Variants in ZNF626 observed in about 807,000 individuals in gnomAD.
ZNF626 encodes the protein zinc finger protein 626.
ZNF626 carries 4 observed loss-of-function variants against 11.7 expected under a neutral mutation model. That is an observed-to-expected ratio of 0.34 (90% CI 0.17 to 0.78). ZNF626 has a LOEUF of 0.78. Among genes scored for constraint, ZNF626 ranks in the 30% least tolerant of loss-of-function variants. The pLI is 0.57. For missense variants in ZNF626, 588 were observed against 587.1 expected (o/e 1.00, Z -0.01); for synonymous variants, 179 against 198.6 (o/e 0.90, Z 0.83).
chr19:20,650,721 T>C (rs1391671074), intron 1 of ZNF626, among the ~76,000 whole-genome samples: 3 of 152,212 alleles, frequency 2.0e-5, no homozygotes, highest in African/African-American at 7.2e-5. Flanking sequence ...TTTTGTTTTT[T>C]CTAAACTTAC....
chr19:20,622,812 C>A lies in ZNF626; in HGVS notation c.*1478G>T, dbSNP rs1442125772. 3.3e-5 allele frequency: 5 copies of A among 151,964 alleles called. No homozygotes were observed. The highest frequency in any genetic ancestry group is 5.9e-5 in the Non-Finnish European group (4 of 67,982). The allele number at this position is 151,964 out of a possible 1,614,324, so 9.4% of individuals were successfully genotyped here. On this transcript the variant is annotated 3_prime_UTR_variant, in exon 4 of 4. Coordinates refer to ENST00000601440, the MANE Select transcript of ZNF626 (RefSeq NM_001076675.3). ...TTCTGTAAATTCTGATATTTACATACAATTAATTTTGAATTAAATATTTTT... is the reference window on the plus strand; with the variant it reads ...TTCTGTAAATTCTGATATTTACATAAAATTAATTTTGAATTAAATATTTTT...
At chr19:20,642,493 G>A (rs1555771573) in intron 3 of ZNF626, among the ~76,000 whole-genome samples, 2 of 152,134 alleles carry the variant, frequency 1.3e-5, no homozygotes, top group Non-Finnish European at 2.9e-5. Flanking sequence ...CTATTCCGGA[G>A]GCTGAGGCAG....
intron 1 of ZNF626, among the ~76,000 whole-genome samples, chr19:20,649,333 A>G (rs1348507428): frequency 6.6e-6 from 1 of 152,184 alleles, no homozygotes; most frequent in African/African-American, 2.4e-5. Flanking sequence ...CTCCATGAAG[A>G]TAAAAATATA....
At chr19:20,636,254 T>A (rs907340510) in intron 3 of ZNF626, among the ~76,000 whole-genome samples, 13 of 152,178 alleles carry the variant, frequency 8.5e-5, no homozygotes, top group Non-Finnish European at 1.6e-4. Context: ...CAGAAACAAT[T>A]ATATTGGCAA....
chr19:20,626,406 G>T (rs1464533739), intron 3 of ZNF626, among the ~76,000 whole-genome samples: 3 of 152,252 alleles, frequency 2.0e-5, no homozygotes, highest in African/African-American at 7.2e-5. Context: ...TGTATATGAG[G>T]TAATTTAAAA....
Position 20,645,750 on chromosome 19 carries a change from T to C in ZNF626, c.160A>G (p.Thr54Ala). ...GGTTTTCTTCCTTGCTCCAGACAGG[T>C]GATCAGGTCTGGCTTAGAAACAGTA... Reference protein sequence around the residue: ...GITVSKPDLITCLEQGRKPLT... With the variant: ...GITVSKPDLIACLEQGRKPLT... Residue 54 changes from threonine to alanine, a missense_variant, in exon 3 of 4, where the codon ACC (threonine) becomes GCC (alanine). By Grantham distance (58) the Thr-to-Ala change is moderately conservative (BLOSUM62 0). Transcript: ENST00000601440. 1 of 1,611,016 alleles carries C rather than the reference T, an allele frequency of 6.2e-7. No individual in the cohort carries two copies. Among genetic ancestry groups the C allele is most frequent in the Non-Finnish European group, 8.5e-7 (1 of 1,179,276 alleles).
chr19:20,649,694 A>T (rs1393746512), intron 1 of ZNF626, among the ~76,000 whole-genome samples: 3 of 152,218 alleles, frequency 2.0e-5, no homozygotes, highest in African/African-American at 7.2e-5. Context: ...ATTTTCTCTC[A>T]AGCTTTAATG....
chr19:20,653,620 C>T (rs1377263397), intron 1 of ZNF626, among the ~76,000 whole-genome samples: 1 of 143,358 alleles, frequency 7.0e-6, no homozygotes, highest in Non-Finnish European at 1.5e-5. Context: ...CAGAGTGAGA[C>T]TCTGTCCCCT....
At position 20,620,671 on chromosome 19, in the gene ZNF626, A is replaced by G. The variant is rs1000748233; in HGVS notation, c.*3619T>C. On this transcript the variant is annotated 3_prime_UTR_variant, in exon 4 of 4. Transcript: ENST00000601440. ...CAAGTTCAAGTGATTCTCCTACCTC[A>G]GCCTCCAGGTGTGCGCCACCATGAC... The G allele has an allele frequency of 6.6e-6, 1 of 151,562 alleles. No homozygotes were observed. The highest frequency in any genetic ancestry group is 6.6e-5 in the Admixed American group (1 of 15,202). The allele number at this position is 151,562 out of a possible 1,614,324, so 9.4% of individuals were successfully genotyped here. A position where few individuals can be genotyped will look rare whatever the true frequency, so the allele number is the denominator to read the frequency against.
chr19:20,646,603 C>T (rs183365518), intron 1 of ZNF626, among the ~76,000 whole-genome samples, 198 bp from the exon 2 acceptor site: 39 of 152,250 alleles, frequency 2.6e-4, no homozygotes, highest in Non-Finnish European at 1.2e-4. Flanking sequence ...AGCATAAGAT[C>T]CACAACATCA....
chr19:20,647,057 G>A (rs1970087982), intron 1 of ZNF626, among the ~76,000 whole-genome samples: 1 of 152,102 alleles, frequency 6.6e-6, no homozygotes. Flanking sequence ...TGTTGGTCAG[G>A]CTGGTCTTGA....
In ZNF626 at chr19:20,625,070, G is replaced by A. The variant is rs930291245; in HGVS notation, c.807C>T (p.Ser269=). 2 of 1,613,224 alleles carry A rather than the reference G, an allele frequency of 1.2e-6. No homozygotes were observed. The highest frequency in any genetic ancestry group is 8.5e-7 in the Non-Finnish European group (1 of 1,179,788). ...TTATCTCATGTTTACTAAGGGTTGA[G>A]GATGACATAAAGGCTTTGCCACATT... ...CDKCGKAFMS[S]STLSKHEIIH... The change falls in exon 4 of 4, where the codon TCC becomes TCT. Residue 269 remains serine, a synonymous_variant. Coordinates refer to ENST00000601440, the MANE Select transcript of ZNF626 (RefSeq NM_001076675.3).
intron 3 of ZNF626, 134 bp downstream of exon 3, chr19:20,645,550 C>CAAAA: frequency 6.4e-7 from 1 of 1,550,614 alleles, no homozygotes; most frequent in South Asian, 1.2e-5. Context: ...AACAAACAAA[C>CAAAA]AAAAAATAGC....
At chr19:20,635,519 C>T (rs1555770833) in intron 3 of ZNF626, among the ~76,000 whole-genome samples, 3 of 151,942 alleles carry the variant, frequency 2.0e-5, no homozygotes, top group Admixed American at 6.6e-5. Flanking sequence ...GACAGGGTTT[C>T]ACCATGTTGG....
chr19:20,653,608 G>A (rs1555772787), intron 1 of ZNF626, among the ~76,000 whole-genome samples: 3 of 144,768 alleles, frequency 2.1e-5, no homozygotes, highest in African/African-American at 7.6e-5. Flanking sequence ...CAGCCTGGGG[G>A]ACAGAGTGAG....
rs782382676 is a variant in ZNF626 at position 20,625,582 on chromosome 19, C to G, written c.295G>C (p.Val99Leu). 2 of 1,604,374 alleles carry G rather than the reference C, an allele frequency of 1.2e-6. No homozygotes were observed. The highest frequency in any genetic ancestry group is 1.7e-5 in the Admixed American group (1 of 58,434). The change falls in exon 4 of 4, where the codon GTA becomes CTA. Residue 99 changes from valine (V) to leucine (L), a missense_variant. Val to Leu is a conservative substitution (Grantham distance 32). This residue lies in a region of ZNF626 where 524 missense variants were observed against 470.1 expected (regional missense o/e 1.11). Coordinates refer to ENST00000601440, the MANE Select transcript of ZNF626 (RefSeq NM_001076675.3). ...TCACATTTTTCATATCTTCTCAGTACCACTTTTTGGAAAGAATCTTTCATG... is the reference window on the plus strand; with the variant it reads ...TCACATTTTTCATATCTTCTCAGTAGCACTTTTTGGAAAGAATCTTTCATG... ...QSMKDSFQKV[V>L]LRRYEKCEHD...
chr19:20,625,676 A>G (rs369906207), intron 3 of ZNF626, 26 bp from the exon 4 acceptor site: 76 of 1,512,090 alleles, frequency 5.0e-5, no homozygotes, highest in Middle Eastern at 1.8e-4. Context: ...AAAACACATT[A>G]CTTCAATTGG....
rs12608976 is a variant in ZNF626, at chr19:20,621,246, A to G, written c.*3044T>C. On this transcript the variant is annotated 3_prime_UTR_variant, in exon 4 of 4. Transcript: ENST00000601440. ...CAGGTTCAAGCCATTCTCCTGCCTC[A>G]GCTTCCCGAGTAGCTAGGAATACGG... 120,743 of 151,992 alleles carry G rather than the reference A, an allele frequency of 0.79. 48,889 individuals carry two copies. Among genetic ancestry groups the G allele is most frequent in the Admixed American group, 0.87 (13,300 of 15,270 alleles). The allele number at this position is 151,992 out of a possible 1,614,324, so 9.4% of individuals were successfully genotyped here.
chr19:20,652,142 T>C (rs1447797270), intron 1 of ZNF626, among the ~76,000 whole-genome samples: 1 of 152,202 alleles, frequency 6.6e-6, no homozygotes. Context: ...CGGTCCTTTT[T>C]TGTAAATCCC....
Sources: allele counts gnomAD v4.1 joint callset (sites outside exome capture counted in the v4.1 genomes callset), GRCh38; gene constraint gnomAD v4.1.1; regional missense constraint gnomAD v4.1.1; transcripts MANE v1.5; gene names NCBI Gene and HGNC (gene_info 2026-07-23, HGNC 2026-07-21).